Variants in SEC24D observed in about 807,000 individuals in gnomAD.
SEC24D encodes the protein SEC24 homolog D, COPII component.
Under a neutral mutation model 116.9 loss-of-function variants are expected in SEC24D, and 69 were observed. The observed-to-expected ratio is 0.59, with a 90% CI of 0.49 to 0.72. The LOEUF is 0.72. Among genes scored for constraint, SEC24D ranks in the 30% least tolerant of loss-of-function variants. The pLI, the probability that SEC24D is intolerant of heterozygous loss-of-function variation, is 0.00. For missense variants in SEC24D, 1,131 were observed against 1,264.1 expected, an observed-to-expected ratio of 0.89 and a Z score of 1.60; for synonymous variants, 405 against 442.8, an observed-to-expected ratio of 0.91 and a Z score of 1.07.
chr4:118,765,848 G>A (rs924028931), intron 9 of SEC24D, among the ~76,000 whole-genome samples: 1 of 151,482 alleles, frequency 6.6e-6, no homozygotes, highest in Non-Finnish European at 1.5e-5. Context: ...AACCCACTGA[G>A]GCTTGATTGT....
chr4:118,789,883 C>T (rs1728821570), intron 8 of SEC24D, among the ~76,000 whole-genome samples: 1 of 152,214 alleles, frequency 6.6e-6, no homozygotes, highest in African/African-American at 2.4e-5. Context: ...CGCGCCCTGC[C>T]TCAACAGCAT....
chr4:118,793,346 A>C (rs6849714), intron 8 of SEC24D, among the ~76,000 whole-genome samples: 42,581 of 148,986 alleles, frequency 0.29, 6,741 homozygotes, highest in Non-Finnish European at 0.36. Flanking sequence ...GGGCGCCTGT[A>C]GTCCCAGCTA....
intron 11 of SEC24D, among the ~76,000 whole-genome samples, chr4:118,754,786 A>AT (rs1450027870): frequency 1.3e-5 from 2 of 152,088 alleles, no homozygotes; most frequent in African/African-American, 2.4e-5. Flanking sequence ...TTAAGGCTTT[A>AT]TTTTTTTGAG....
chr4:118,782,017 G>T (rs1004997002), intron 8 of SEC24D, among the ~76,000 whole-genome samples: 1 of 152,124 alleles, frequency 6.6e-6, no homozygotes, highest in Non-Finnish European at 1.5e-5. Flanking sequence ...GCTTCCTTGC[G>T]ATGGGTTTGA....
intron 2 of SEC24D, among the ~76,000 whole-genome samples, chr4:118,830,648 T>A (rs1730809535): frequency 1.3e-5 from 2 of 152,034 alleles, no homozygotes; most frequent in African/African-American, 4.8e-5. Context: ...AATTAAAATT[T>A]TTTTTTTTAA....
chr4:118,803,599 C>T (rs1302226215), intron 7 of SEC24D, among the ~76,000 whole-genome samples: 1 of 152,080 alleles, frequency 6.6e-6, no homozygotes, highest in Non-Finnish European at 1.5e-5. Context: ...ATTTAGTTAT[C>T]TTTTTCCTTG....
chr4:118,761,715 T>C (rs142131262), intron 10 of SEC24D, among the ~76,000 whole-genome samples: 1 of 152,360 alleles, frequency 6.6e-6, no homozygotes, highest in African/African-American at 2.4e-5. Context: ...TGTCACTTCA[T>C]CTACAATGTC....
chr4:118,737,160 G>A (rs532153358), intron 19 of SEC24D, among the ~76,000 whole-genome samples: 1 of 152,316 alleles, frequency 6.6e-6, no homozygotes, highest in South Asian at 2.1e-4. Context: ...ACTGCATTCT[G>A]GCTAGATTCC....
chr4:118,793,446 GAC>G (rs1729031855), intron 8 of SEC24D, among the ~76,000 whole-genome samples: 1 of 124,216 alleles, frequency 8.1e-6, no homozygotes, highest in African/African-American at 3.2e-5. Flanking sequence ...CAGCCTGGGC[GAC>G]AGAGCGAGAC....
intron 13 of SEC24D, among the ~76,000 whole-genome samples, chr4:118,750,092 A>G (rs954182225): frequency 1.3e-5 from 2 of 152,228 alleles, no homozygotes; most frequent in Non-Finnish European, 2.9e-5. Flanking sequence ...ATAACAAAAA[A>G]TAAGATGCAA....
intron 11 of SEC24D, among the ~76,000 whole-genome samples, chr4:118,756,407 C>T (rs1432067492): frequency 6.6e-6 from 1 of 152,090 alleles, no homozygotes; most frequent in African/African-American, 2.4e-5. Context: ...TTTTAAACAT[C>T]CCCACTGCTT....
intron 6 of SEC24D, among the ~76,000 whole-genome samples, chr4:118,813,336 G>A (rs114210107): frequency 0.044 from 6,738 of 152,218 alleles, 206 homozygotes; most frequent in Non-Finnish European, 0.064. Flanking sequence ...TGCTTAGTCC[G>A]TTTTTCATTG....
Position 118,752,710 on chromosome 4 carries a change from AT to A in SEC24D, c.1599del (p.Gln533HisfsTer3), listed in dbSNP as rs1158359219. 3.1e-6 allele frequency: 5 copies of A among 1,599,206 alleles called. No homozygotes were observed. The highest frequency in any genetic ancestry group is 4.3e-6 in the Non-Finnish European group (5 of 1,173,828). On this transcript the variant is annotated frameshift_variant, in exon 12 of 23. Coordinates refer to ENST00000280551, the MANE Select transcript of SEC24D (RefSeq NM_014822.4). LOFTEE classifies it high-confidence loss of function. ...CTTGATATTTACTTATGAATCACAG[AT>A]TGGGATTCTTGATAGTTGACAAGGA... ...DGFLVNYQES[Q>X]SVIHNLLDQI...
intron 3 of SEC24D, 60 bp downstream of exon 3, chr4:118,824,560 G>T: frequency 6.5e-7 from 1 of 1,534,190 alleles, no homozygotes; most frequent in Non-Finnish European, 8.9e-7. Flanking sequence ...AGCTTAGAAG[G>T]TATTTCTGAA....
Position 118,741,031 on chromosome 4 carries a change from A to C in SEC24D, c.2002T>G (p.Leu668Val). ...LYKYNNFQMHLDRQQFLNDLR... is the reference protein window; with the variant it reads ...LYKYNNFQMHVDRQQFLNDLR... ...TCGTTCAAAAATTGTTGTCTATCCA[A>C]GTGCATCTAAAAAATAAAAGTCTAA... Residue 668 changes from leucine (L) to valine (V), a missense_variant, in exon 16 of 23, where the codon TTG becomes GTG. Transcript: ENST00000280551. The C allele has an allele frequency of 6.4e-7, 1 of 1,559,052 alleles. No homozygotes were observed. The highest frequency in any genetic ancestry group is 1.2e-5 in the South Asian group (1 of 84,906).
At chr4:118,738,506 T>C in intron 18 of SEC24D, 127 bp from the exon 19 acceptor site, 1 of 693,906 alleles carries the variant, frequency 1.4e-6, no homozygotes, top group Non-Finnish European at 2.6e-6. Flanking sequence ...AGCATTTAAA[T>C]CTGTTCAAGT....
chr4:118,813,781 T>A (rs1264755767), intron 6 of SEC24D, among the ~76,000 whole-genome samples: 1 of 152,216 alleles, frequency 6.6e-6, no homozygotes, highest in African/African-American at 2.4e-5. Context: ...AGAGAATACA[T>A]TTCTGTTGTT....
At position 118,835,954 on chromosome 4, in the gene SEC24D, C is replaced by G. The variant is rs549081451; in HGVS notation, c.-55G>C. 6.6e-6 allele frequency: 1 copy of G among 152,268 alleles called. No individual in the cohort carries two copies. The highest frequency in any genetic ancestry group is 2.4e-5 in the African/African-American group (1 of 41,462). 9.4% of individuals were successfully genotyped at this position (152,268 alleles called of 1,614,324 possible). A position where few individuals can be genotyped will look rare whatever the true frequency, so the allele number is the denominator to read the frequency against. Reference sequence around the variant, plus strand: ...GGGAGGCTTTACCTGTTCCCGCTCCCGCACCCCGCGGGCTTCCGAGCGCTG... The same window carrying G: ...GGGAGGCTTTACCTGTTCCCGCTCCGGCACCCCGCGGGCTTCCGAGCGCTG... On this transcript the variant is annotated 5_prime_UTR_variant, in exon 1 of 23. Coordinates refer to ENST00000280551, the MANE Select transcript of SEC24D (RefSeq NM_014822.4).
intron 8 of SEC24D, among the ~76,000 whole-genome samples, chr4:118,779,119 G>A (rs896338890): frequency 4.6e-5 from 7 of 152,228 alleles, no homozygotes; most frequent in African/African-American, 1.7e-4. Flanking sequence ...GATTGCCCTG[G>A]CCAGAACTTC....
Sources: allele counts gnomAD v4.1 joint callset (sites outside exome capture counted in the v4.1 genomes callset), GRCh38; gene constraint gnomAD v4.1.1; transcripts MANE v1.5; gene names NCBI Gene and HGNC (gene_info 2026-07-23, HGNC 2026-07-21).